FGF12: variants seen among roughly 807,000 people sequenced by gnomAD.
FGF12 encodes fibroblast growth factor 12.
Under a neutral mutation model 23.6 loss-of-function variants are expected in FGF12, and 14 were observed. That is an observed-to-expected ratio of 0.59 (90% CI 0.39 to 0.93). The LOEUF (loss-of-function observed/expected upper bound fraction) is 0.93. Ranked by LOEUF, FGF12 falls within the 40% of genes least tolerant of loss-of-function variation. The pLI is 0.00. For synonymous variants in FGF12, 62 were observed against 77.3 expected (o/e 0.80, Z 1.04); for missense variants, 175 against 217.8 (o/e 0.80, Z 1.24).
rs558836588 is a variant in FGF12 at position 192,415,747 on chromosome 3, C to T, written c.14-55209G>A. Among the ~76,000 whole-genome samples the T allele has an allele frequency of 4.7e-4, 71 of 151,282 alleles. No homozygotes were observed. In the East Asian group the frequency reaches 7.2e-3, roughly 15 times the overall value. On this transcript the variant is annotated intron_variant, in intron 2 of 5. Coordinates refer to ENST00000445105, the MANE Select transcript of FGF12 (RefSeq NM_004113.6). The stretch of plus-strand genomic sequence containing the variant: ...TCTCTCTCTCTCACACACACACACA[C>T]ACACACACACACACACACACACACA...
At chr3:192,529,450 G>A (rs1007603696) in intron 2 of FGF12, among the ~76,000 whole-genome samples, 2 of 152,168 alleles carry the variant, frequency 1.3e-5, no homozygotes, top group Non-Finnish European at 2.9e-5. Context: ...GTTCCAAACT[G>A]TCCCACATTT....
At position 192,680,601 on chromosome 3, in the gene FGF12, G is replaced by A. The variant is rs528757691; in HGVS notation, c.13+46580C>T. Among the ~76,000 whole-genome samples, 25 of 152,340 alleles carry A rather than the reference G, an allele frequency of 1.6e-4. No homozygotes were observed. The South Asian group carries it at 5.0e-3, about 30-fold the overall frequency. ...GAAAAAGACCAGTGATTGCACAGCAGGAAACCCAATAGGAAACGTGAGAGG... is the reference window on the plus strand; with the variant it reads ...GAAAAAGACCAGTGATTGCACAGCAAGAAACCCAATAGGAAACGTGAGAGG... On this transcript the variant is annotated intron_variant, in intron 2 of 5. Transcript: ENST00000445105.
At chr3:192,466,708 C>A (rs1219310908) in intron 2 of FGF12, among the ~76,000 whole-genome samples, 1 of 152,176 alleles carries the variant, frequency 6.6e-6, no homozygotes, top group Non-Finnish European at 1.5e-5. Context: ...TATTCACTAG[C>A]ATAGATGAGG....
intron 4 of FGF12, among the ~76,000 whole-genome samples, chr3:192,317,346 G>A (rs553414032): frequency 1.3e-5 from 2 of 151,566 alleles, no homozygotes; most frequent in African/African-American, 2.4e-5. Flanking sequence ...GCAGAAGTGA[G>A]CCCACTGTCC....
chr3:192,608,687 A>C (rs180892271), intron 2 of FGF12, among the ~76,000 whole-genome samples: 2 of 152,278 alleles, frequency 1.3e-5, no homozygotes, highest in Admixed American at 1.3e-4. Context: ...TTTTACATCT[A>C]GAAGCAGATG....
At chr3:192,692,136 T>C (rs1465219573) in intron 2 of FGF12, among the ~76,000 whole-genome samples, 2 of 152,170 alleles carry the variant, frequency 1.3e-5, no homozygotes, top group African/African-American at 4.8e-5. Context: ...AAAATAGAAG[T>C]AGAGAAAATA....
intron 2 of FGF12, among the ~76,000 whole-genome samples, chr3:192,367,578 G>T (rs116441840): frequency 6.6e-6 from 1 of 152,300 alleles, no homozygotes; most frequent in Non-Finnish European, 1.5e-5. Context: ...GTAAGCATTT[G>T]AAAAGGGACA....
At chr3:192,670,991 A>G (rs894937242) in intron 2 of FGF12, among the ~76,000 whole-genome samples, 3 of 152,184 alleles carry the variant, frequency 2.0e-5, no homozygotes, top group Non-Finnish European at 4.4e-5. Context: ...TGGATTGTAG[A>G]TGGTAATCTC....
intron 2 of FGF12, among the ~76,000 whole-genome samples, chr3:192,678,001 A>T (rs1250985634): frequency 1.3e-5 from 2 of 152,138 alleles, no homozygotes; most frequent in Non-Finnish European, 2.9e-5. Flanking sequence ...TTCTAAAGCT[A>T]CTCTATCATA....
At position 192,600,511 on chromosome 3, in the gene FGF12, C is replaced by T. The variant is rs144127371; in HGVS notation, c.13+126670G>A. On this transcript the variant is annotated intron_variant, in intron 2 of 5. Transcript: ENST00000445105. ...AATAACCAACAAAGTGAAAAGGCAA[C>T]CTATAAAATGAAATAAAATATTTGC... 6.1e-3 allele frequency among the ~76,000 whole-genome samples: 923 copies of T among 151,934 alleles called. 10 individuals carry two copies. The highest frequency in any genetic ancestry group is 9.2e-3 in the Non-Finnish European group (623 of 67,930).
chr3:192,470,278 A>G (rs1191508744), intron 2 of FGF12, among the ~76,000 whole-genome samples: 3 of 152,244 alleles, frequency 2.0e-5, no homozygotes, highest in African/African-American at 7.2e-5. Flanking sequence ...AAGATATTTT[A>G]ATTCAAAACG....
chr3:192,365,993 A>C (rs7619991), intron 2 of FGF12, among the ~76,000 whole-genome samples: 44,295 of 149,372 alleles, frequency 0.3, 7,896 homozygotes, highest in East Asian at 0.63. Context: ...AAAAAAAAAA[A>C]AACAACAACA....
At chr3:192,411,344 G>A (rs1374154061) in intron 2 of FGF12, among the ~76,000 whole-genome samples, 1 of 152,242 alleles carries the variant, frequency 6.6e-6, no homozygotes, top group African/African-American at 2.4e-5. Context: ...CAGCTGGGAG[G>A]AGGATTAAAT....
At chr3:192,476,777 G>C (rs1723338802) in intron 2 of FGF12, among the ~76,000 whole-genome samples, 1 of 152,146 alleles carries the variant, frequency 6.6e-6, no homozygotes, top group Admixed American at 6.6e-5. Flanking sequence ...AAGAAAGACT[G>C]ATTATAGCCA....
chr3:192,428,766 A>T (rs1461639289), intron 2 of FGF12, among the ~76,000 whole-genome samples: 2 of 152,198 alleles, frequency 1.3e-5, no homozygotes, highest in Non-Finnish European at 2.9e-5. Context: ...TTATGAATCA[A>T]TTATTCCAGC....
chr3:192,476,298 T>C (rs762392269), intron 2 of FGF12, among the ~76,000 whole-genome samples: 53 of 152,102 alleles, frequency 3.5e-4, no homozygotes, highest in Non-Finnish European at 5.9e-4. Context: ...GAGGAAAATA[T>C]TGTTATTTTT....
intron 4 of FGF12, among the ~76,000 whole-genome samples, chr3:192,209,976 T>G (rs1274813295): frequency 6.6e-6 from 1 of 152,220 alleles, no homozygotes; most frequent in African/African-American, 2.4e-5. Context: ...AAAAAATAGC[T>G]TTCATAGTTT....
chr3:192,413,696 TC>T (rs1425652475), intron 2 of FGF12, among the ~76,000 whole-genome samples: 3 of 152,234 alleles, frequency 2.0e-5, no homozygotes, highest in South Asian at 2.1e-4. Flanking sequence ...AAACAGAATT[TC>T]ATTAGTGGAA....
At chr3:192,527,836 A>G (rs1396706444) in intron 2 of FGF12, among the ~76,000 whole-genome samples, 2 of 152,176 alleles carry the variant, frequency 1.3e-5, no homozygotes, top group Non-Finnish European at 2.9e-5. Flanking sequence ...CATGTCTCAC[A>G]TGGCGGCAGA....
Sources: allele counts gnomAD v4.1 joint callset (sites outside exome capture counted in the v4.1 genomes callset), GRCh38; gene constraint gnomAD v4.1.1; transcripts MANE v1.5; gene names NCBI Gene and HGNC (gene_info 2026-07-23, HGNC 2026-07-21).